The following TMEM170B variants were observed in gnomAD, a reference collection of about 807,000 sequenced individuals.
The protein encoded by TMEM170B is transmembrane protein 170B.
A neutral mutation model predicts 13.0 loss-of-function variants in TMEM170B; 6 were observed. The observed-to-expected ratio is 0.46, with a 90% CI of 0.25 to 0.91. TMEM170B has a LOEUF of 0.91. Ranked by LOEUF, TMEM170B falls within the 40% of genes least tolerant of loss-of-function variation. TMEM170B has a pLI of 0.17. For missense variants in TMEM170B, 138 were observed against 165.2 expected, an observed-to-expected ratio of 0.84 and a Z score of 0.90; for synonymous variants, 61 against 64.9, an observed-to-expected ratio of 0.94 and a Z score of 0.29.
intron 2 of TMEM170B, among the ~76,000 whole-genome samples, chr6:11,572,103 G>A (rs1759812543): frequency 6.6e-6 from 1 of 152,122 alleles, no homozygotes; most frequent in Admixed American, 6.6e-5. Context: ...AAATAATTTG[G>A]CACTATCTAG....
chr6:11,550,291 G>A (rs146179366), intron 1 of TMEM170B, among the ~76,000 whole-genome samples: 3 of 151,308 alleles, frequency 2.0e-5, no homozygotes, highest in Admixed American at 6.6e-5. Context: ...TCTTGCTTCC[G>A]CCCCCAAGTA....
At chr6:11,541,495 G>A (rs1759360365) in intron 1 of TMEM170B, among the ~76,000 whole-genome samples, 2 of 152,144 alleles carry the variant, frequency 1.3e-5, no homozygotes, top group African/African-American at 2.4e-5. Flanking sequence ...AGAGAGTTGG[G>A]GTCTTTCTCT....
rs180936531 is a variant in TMEM170B at position 11,565,558 on chromosome 6, A to G, written c.98-108A>G. 1.3e-4 allele frequency: 144 copies of G among 1,126,958 alleles called. No individual in the cohort carries two copies. In the East Asian group the frequency reaches 3.2e-3, roughly 25 times the overall value. The allele number at this position is 1,126,958 out of a possible 1,614,324, so 69.8% of individuals were successfully genotyped here. On this transcript the variant is annotated intron_variant, in intron 1 of 2. Transcript: ENST00000379426. ...CAGGCACTGTGTGAAGCATTTTTCT[A>G]TGTATTATGTCATTTAACCTCCCAA...
chr6:11,580,661 C>T lies in TMEM170B; in HGVS notation c.*5100C>T, dbSNP rs1759943933. On this transcript the variant is annotated 3_prime_UTR_variant, in exon 3 of 3. Coordinates refer to ENST00000379426, the MANE Select transcript of TMEM170B (RefSeq NM_001100829.3). ...ATGGTTTTATAATCTTTCTTAACTT[C>T]CCGTCCTTGTTATAACATCTTGGAA... 6.6e-6 allele frequency: 1 copy of T among 152,168 alleles called. No homozygotes were observed. Among genetic ancestry groups the T allele is most frequent in the African/African-American group, 2.4e-5 (1 of 41,436 alleles). The allele number at this position is 152,168 out of a possible 1,614,324, so 9.4% of individuals were successfully genotyped here.
chr6:11,575,139 G>C lies in TMEM170B; in HGVS notation c.269-292G>C, dbSNP rs1370136508. ...TGCCCAGGTGAGAGGTTGCAATAAT[G>C]AATTATTCATTGTTTATGAACATAT... is the stretch of plus-strand genomic sequence containing the variant. On this transcript the variant is annotated intron_variant, in intron 2 of 2. Transcript: ENST00000379426. This position sits in a 1 kb window ranked among gnomAD's most constrained non-coding sequence, Gnocchi z 4.1. Among the ~76,000 whole-genome samples the C allele has an allele frequency of 6.6e-6, 1 of 151,914 alleles. No homozygotes were observed. Among genetic ancestry groups the C allele is most frequent in the Non-Finnish European group, 1.5e-5 (1 of 67,996 alleles).
At chr6:11,538,725 C>G (rs1759319083) in intron 1 of TMEM170B, among the ~76,000 whole-genome samples, 2 of 152,246 alleles carry the variant, frequency 1.3e-5, no homozygotes, top group Non-Finnish European at 2.9e-5. Flanking sequence ...CCTCCCCTCC[C>G]CCTTCTACAC....
chr6:11,563,424 G>A (rs901788418), intron 1 of TMEM170B, among the ~76,000 whole-genome samples: 3 of 152,120 alleles, frequency 2.0e-5, no homozygotes, highest in Non-Finnish European at 2.9e-5. Flanking sequence ...TACCAACTGG[G>A]TGTCCTACAG....
chr6:11,544,230 G>T (rs1268528077), intron 1 of TMEM170B, among the ~76,000 whole-genome samples: 4 of 152,098 alleles, frequency 2.6e-5, no homozygotes, highest in Non-Finnish European at 5.9e-5. Context: ...AATTCAAAAT[G>T]CTCCAAAATC....
intron 1 of TMEM170B, among the ~76,000 whole-genome samples, chr6:11,548,614 A>G (rs559101019): frequency 5.3e-5 from 8 of 152,328 alleles, no homozygotes; most frequent in South Asian, 4.1e-4. Context: ...CTATAAAGAG[A>G]CATGCACACG....
intron 1 of TMEM170B, among the ~76,000 whole-genome samples, chr6:11,551,938 G>A (rs1420255135): frequency 1.3e-5 from 2 of 152,096 alleles, no homozygotes; most frequent in African/African-American, 4.8e-5. Context: ...ATATGAAACT[G>A]GATTTTCATT....
At chr6:11,548,437 A>G (rs1216113007) in intron 1 of TMEM170B, among the ~76,000 whole-genome samples, 1 of 152,188 alleles carries the variant, frequency 6.6e-6, no homozygotes, top group African/African-American at 2.4e-5. Flanking sequence ...CAGGTGCTGG[A>G]GAGGATGTGG....
rs151159540 is a variant in TMEM170B at position 11,547,015 on chromosome 6, G to A, written c.97+8641G>A. ...TCTCTCGCTCTCAAAATATTGTATT[G>A]TACTATACTTATCTATGTTCAGACA... On this transcript the variant is annotated intron_variant, in intron 1 of 2. Transcript: ENST00000379426. Among the ~76,000 whole-genome samples, 3 of 152,208 alleles carry A rather than the reference G, an allele frequency of 2.0e-5. No homozygotes were observed. The East Asian group carries it at 5.8e-4, about 29-fold the overall frequency.
chr6:11,558,368 A>C (rs1011664072), intron 1 of TMEM170B, among the ~76,000 whole-genome samples: 1 of 152,088 alleles, frequency 6.6e-6, no homozygotes, highest in African/African-American at 2.4e-5. Flanking sequence ...GAATTCTTGC[A>C]ATTTCATATT....
Position 11,537,765 on chromosome 6 carries a change from C to T in TMEM170B, c.-513C>T, listed in dbSNP as rs1400008660. On this transcript the variant is annotated 5_prime_UTR_variant, in exon 1 of 3. Transcript: ENST00000379426. Reference sequence around the variant, plus strand: ...GGGGCGGTTCCTCGAGTGTCGGCGACCCGAGGGCGGGCAGGCGGGCGGCAG... The same window carrying T: ...GGGGCGGTTCCTCGAGTGTCGGCGATCCGAGGGCGGGCAGGCGGGCGGCAG... Among the ~76,000 whole-genome samples, 1 of 151,706 alleles carries T rather than the reference C, an allele frequency of 6.6e-6. No homozygotes were observed. The highest frequency in any genetic ancestry group is 1.5e-5 in the Non-Finnish European group (1 of 67,858).
Position 11,575,521 on chromosome 6 carries a change from C to T in TMEM170B, c.359C>T (p.Thr120Ile). The change falls in exon 3 of 3, where the codon ACA becomes ATA. Residue 120 changes from threonine (T) to isoleucine (I), a missense_variant. Physicochemically the swap from Thr to Ile is moderately conservative, Grantham distance 89 (BLOSUM62 -1). Coordinates refer to ENST00000379426, the MANE Select transcript of TMEM170B (RefSeq NM_001100829.3). The surrounding 1 kb of genome is among the most constrained non-coding windows in gnomAD (Gnocchi z 4.1). Reference protein sequence around the residue: ...LVWGVGQTVLTLIISFSRILA... With the variant: ...LVWGVGQTVLILIISFSRILA... ...TGGGGCGTTGGACAGACTGTACTGA[C>T]ATTAATCATCTCCTTTTCAAGGATC... is the stretch of plus-strand genomic sequence containing the variant. 1 of 1,613,364 alleles carries T rather than the reference C, an allele frequency of 6.2e-7. No homozygotes were observed.
At chr6:11,539,044 C>G (rs1249824883) in intron 1 of TMEM170B, among the ~76,000 whole-genome samples, 1 of 152,148 alleles carries the variant, frequency 6.6e-6, no homozygotes, top group African/African-American at 2.4e-5. Flanking sequence ...TTGTGTATTT[C>G]CCTTCATTTA....
chr6:11,569,984 A>T (rs894588009), intron 2 of TMEM170B, among the ~76,000 whole-genome samples: 1 of 151,892 alleles, frequency 6.6e-6, no homozygotes, highest in Non-Finnish European at 1.5e-5. Flanking sequence ...CCTTTCTCAA[A>T]GTTAACAGCT....
intron 1 of TMEM170B, among the ~76,000 whole-genome samples, chr6:11,552,066 T>C (rs113402091): frequency 4.8e-4 from 73 of 152,328 alleles, no homozygotes; most frequent in African/African-American, 1.7e-3. Context: ...CTCCAGTCGA[T>C]AAATGTGGAA....
intron 1 of TMEM170B, among the ~76,000 whole-genome samples, chr6:11,564,719 A>G (rs1459381012): frequency 2.6e-5 from 4 of 152,200 alleles, no homozygotes; most frequent in Non-Finnish European, 4.4e-5. Flanking sequence ...TCTTTGATGG[A>G]TCTTTTTCCT....
Sources: allele counts gnomAD v4.1 joint callset (sites outside exome capture counted in the v4.1 genomes callset), GRCh38; gene constraint gnomAD v4.1.1; non-coding constraint Gnocchi (gnomAD v3.1); transcripts MANE v1.5; gene names NCBI Gene and HGNC (gene_info 2026-07-23, HGNC 2026-07-21).